DBF4B: variants seen among roughly 807,000 people sequenced by gnomAD.
DBF4B encodes protein DBF4 homolog B.
Under a neutral mutation model 53.4 loss-of-function variants are expected in DBF4B, and 49 were observed. The ratio of observed to expected loss-of-function variants is 0.92; its 90% confidence interval spans 0.73 to 1.16. The LOEUF (loss-of-function observed/expected upper bound fraction) is 1.16. DBF4B is among the 50% of genes most tolerant of loss of function. The pLI is 0.00. For missense variants in DBF4B, 692 were observed against 775.0 expected, an observed-to-expected ratio of 0.89 and a Z score of 1.27; for synonymous variants, 257 against 288.7, an observed-to-expected ratio of 0.89 and a Z score of 1.11.
In DBF4B at chr17:44,709,350, C is replaced by T; in HGVS notation, c.66C>T (p.Leu22=). ...ELESSMAESR[L]RAPDLGVSRC... The stretch of plus-strand genomic sequence containing the variant: ...AGAGTTCCATGGCTGAGAGTAGGCT[C>T]CGGGCCCCGGACCTAGGTGGGTAAC... The change falls in exon 2 of 14, where the codon CTC becomes CTT. Residue 22 remains leucine (L), a synonymous_variant. Coordinates refer to ENST00000315005, the MANE Select transcript of DBF4B (RefSeq NM_145663.3). 1 of 1,614,084 alleles carries T rather than the reference C, an allele frequency of 6.2e-7. No individual in the cohort carries two copies. The highest frequency in any genetic ancestry group is 8.5e-7 in the Non-Finnish European group (1 of 1,180,006).
chr17:44,731,958 C>T, intron 5 of DBF4B: 1 of 551,586 alleles, frequency 1.8e-6, no homozygotes, highest in Non-Finnish European at 3.3e-6. Context: ...TATAGGCAGA[C>T]CAGTGGTCCT....
chr17:44,722,687 C>G (rs1973952540), intron 2 of DBF4B, among the ~76,000 whole-genome samples, 193 bp from the exon 3 acceptor site: 1 of 152,184 alleles, frequency 6.6e-6, no homozygotes, highest in African/African-American at 2.4e-5. Flanking sequence ...TGCTTATTAT[C>G]TTGTTTGGAA....
intron 2 of DBF4B, among the ~76,000 whole-genome samples, chr17:44,716,187 T>C (rs1307814961): frequency 6.6e-6 from 1 of 152,076 alleles, no homozygotes; most frequent in Non-Finnish European, 1.5e-5. Context: ...CCTATTCATA[T>C]TTAAGAGTGA....
intron 3 of DBF4B, among the ~76,000 whole-genome samples, chr17:44,726,209 G>C (rs983196063): frequency 6.6e-6 from 1 of 151,600 alleles, no homozygotes; most frequent in African/African-American, 2.4e-5. Context: ...GGCTGGTCTC[G>C]AACTTCTGAC....
chr17:44,722,778 C>G, intron 2 of DBF4B, 102 bp from the exon 3 acceptor site: 2 of 1,324,894 alleles, frequency 1.5e-6, no homozygotes, highest in Non-Finnish European at 2.1e-6. Context: ...AGGGTCTAGT[C>G]TGTGCTATTA....
intron 3 of DBF4B, among the ~76,000 whole-genome samples, chr17:44,725,122 A>G (rs1974195997): frequency 6.6e-6 from 1 of 151,360 alleles, no homozygotes; most frequent in South Asian, 2.1e-4. Context: ...ATCTCAAAAA[A>G]AAAAAAAAAA....
At chr17:44,742,890 C>G (rs1014831361) in intron 10 of DBF4B, among the ~76,000 whole-genome samples, 13 of 152,172 alleles carry the variant, frequency 8.5e-5, no homozygotes, top group Non-Finnish European at 1.5e-5. Context: ...TTTCTAACCT[C>G]TGGGCTGTGG....
At chr17:44,745,162 G>A (rs1190516380) in intron 10 of DBF4B, among the ~76,000 whole-genome samples, 4 of 151,904 alleles carry the variant, frequency 2.6e-5, no homozygotes, top group South Asian at 2.1e-4. Context: ...GAACTCCTGC[G>A]CCCAAGTGAT....
intron 2 of DBF4B, among the ~76,000 whole-genome samples, chr17:44,714,032 G>A (rs1379699611): frequency 6.6e-6 from 1 of 152,112 alleles, no homozygotes; most frequent in Non-Finnish European, 1.5e-5. Flanking sequence ...CAACTTGGAT[G>A]GAGCTGGAGG....
intron 2 of DBF4B, among the ~76,000 whole-genome samples, chr17:44,709,762 T>C (rs1328471069): frequency 6.6e-6 from 1 of 152,116 alleles, no homozygotes; most frequent in Admixed American, 6.6e-5. Context: ...ACTTATTAAA[T>C]ATATAAATTA....
Position 44,741,346 on chromosome 17 carries a change from C to T in DBF4B, c.724C>T (p.Pro242Ser), listed in dbSNP as rs535836223. 1 of 1,612,734 alleles carries T rather than the reference C, an allele frequency of 6.2e-7. No homozygotes were observed. The highest frequency in any genetic ancestry group is 1.1e-5 in the South Asian group (1 of 91,054). The change falls in exon 10 of 14, where the codon CCT becomes TCT. Residue 242 changes from proline (P) to serine (S), a missense_variant. This residue lies in a region of DBF4B where 597 missense variants were observed against 665.8 expected (regional missense o/e 0.90). Coordinates refer to ENST00000315005, the MANE Select transcript of DBF4B (RefSeq NM_145663.3). ...KIEDESRKFR[P>S]FHHQFKSFPE... ...TTTTCTCTGTTGCAGGAAGTTTCGT[C>T]CTTTCCATCATCAGTTTAAATCCTT... is the stretch of plus-strand genomic sequence containing the variant.
intron 8 of DBF4B, among the ~76,000 whole-genome samples, chr17:44,737,891 C>G (rs558647566): frequency 3.7e-4 from 57 of 152,308 alleles, no homozygotes; most frequent in African/African-American, 1.2e-3. Context: ...ACCCAGGGTC[C>G]TCCTGGAGCA....
Position 44,708,840 on chromosome 17 carries a change from G to T in DBF4B, c.19+1G>T, listed in dbSNP as rs34198215. ...CATTTGATGAGCGAACCGGGAAAGG[G>T]TACGGATGCCGGGAAGGGGAGAAAG... On this transcript the variant is annotated splice_donor_variant, in intron 1 of 13. Transcript: ENST00000315005. LOFTEE classifies it high-confidence loss of function. 0.017 allele frequency: 26,727 copies of T among 1,551,384 alleles called. 1,294 individuals carry two copies. The African/African-American group carries it at 0.17, about 10-fold the overall frequency.
intron 3 of DBF4B, among the ~76,000 whole-genome samples, chr17:44,726,292 T>TTTTTTTTTTTTA (rs1555676222): frequency 1.5e-5 from 2 of 132,054 alleles, no homozygotes; most frequent in African/African-American, 5.8e-5. Context: ...CCCGGCCCTT[T>TTTTTTTTTTTTA]TTTATTTATT....
At chr17:44,712,263 A>G (rs999335057) in intron 2 of DBF4B, among the ~76,000 whole-genome samples, 6 of 147,380 alleles carry the variant, frequency 4.1e-5, no homozygotes, top group Non-Finnish European at 8.9e-5. Flanking sequence ...TAATATGCTC[A>G]TACTGTTTTA....
At position 44,749,448 on chromosome 17, in the gene DBF4B, A is replaced by G; in HGVS notation, c.1189+983A>G. ...GACGCAGGAGGGGCAGAACCCCAGG[A>G]CTTCCCCAAAAGAGCTAGAAGGAGG... On this transcript the variant is annotated intron_variant, in intron 13 of 13. Coordinates refer to ENST00000315005, the MANE Select transcript of DBF4B (RefSeq NM_145663.3). The surrounding 1 kb of genome is among the most constrained non-coding windows in gnomAD (Gnocchi z 4.4). 1.6e-6 allele frequency: 2 copies of G among 1,289,284 alleles called. No individual in the cohort carries two copies. The highest frequency in any genetic ancestry group is 2.0e-6 in the Non-Finnish European group (2 of 988,786). 79.9% of individuals were successfully genotyped at this position (1,289,284 alleles called of 1,614,324 possible).
intron 2 of DBF4B, among the ~76,000 whole-genome samples, chr17:44,718,482 G>T (rs1973534414): frequency 6.6e-6 from 1 of 150,578 alleles, no homozygotes; most frequent in Non-Finnish European, 1.5e-5. Flanking sequence ...GTCTCCTCCT[G>T]AGAGGAGGTC....
At chr17:44,745,299 T>C (rs542611052) in intron 10 of DBF4B, among the ~76,000 whole-genome samples, 1 of 152,322 alleles carries the variant, frequency 6.6e-6, no homozygotes, top group East Asian at 1.9e-4. Flanking sequence ...GTAAATACTT[T>C]TAAAAGACAA....
In DBF4B at chr17:44,750,916, TGTCTG is replaced by T. The variant is rs2049266279; in HGVS notation, c.1512_1516del (p.Met504IlefsTer20). 7 of 1,614,244 alleles carry T rather than the reference TGTCTG, an allele frequency of 4.3e-6. No individual in the cohort carries two copies. Among genetic ancestry groups the T allele is most frequent in the Non-Finnish European group, 5.9e-6 (7 of 1,180,044 alleles). ...TTCCCTGAAGCCAGACCGTGGCTTATGTCTGCACGCTGCTGGGTTCGTCCCTTTCC... is the reference window on the plus strand; with the variant it reads ...TTCCCTGAAGCCAGACCGTGGCTTATCACGCTGCTGGGTTCGTCCCTTTCC... On this transcript the variant is annotated frameshift_variant, in exon 14 of 14. Coordinates refer to ENST00000315005, the MANE Select transcript of DBF4B (RefSeq NM_145663.3). LOFTEE classifies it low-confidence loss of function (END_TRUNC).
Sources: gnomAD v4.1 joint callset for allele counts (sites outside exome capture counted in the v4.1 genomes callset) on GRCh38, gnomAD v4.1.1 for gene constraint, gnomAD v4.1.1 regional missense constraint, Gnocchi (gnomAD v3.1) non-coding constraint, MANE v1.5 for transcripts, NCBI Gene and HGNC (gene_info 2026-07-23, HGNC 2026-07-21) for gene names.